ZNF518A: variants seen among roughly 807,000 people sequenced by gnomAD.
ZNF518A encodes the protein zinc finger protein 518.
A neutral mutation model predicts 102.7 loss-of-function variants in ZNF518A; 47 were observed. That is an observed-to-expected ratio of 0.46 (90% CI 0.36 to 0.58). The LOEUF is 0.58. Ranked by LOEUF, ZNF518A falls within the 20% of genes least tolerant of loss-of-function variation. The pLI is 0.00. For missense variants in ZNF518A, 1,793 were observed against 1,699.8 expected (o/e 1.05, Z -0.96); for synonymous variants, 652 against 594.6 (o/e 1.10, Z -1.40).
intron 3 of ZNF518A, among the ~76,000 whole-genome samples, chr10:96,140,525 A>G (rs1554876139): frequency 1.3e-5 from 2 of 152,202 alleles, no homozygotes; most frequent in Non-Finnish European, 2.9e-5. Context: ...ACAAACAGAA[A>G]AAGAAAAGAG....
At chr10:96,142,022 C>T (rs1216773001) in intron 3 of ZNF518A, among the ~76,000 whole-genome samples, 1 of 152,046 alleles carries the variant, frequency 6.6e-6, no homozygotes, top group Non-Finnish European at 1.5e-5. Flanking sequence ...GATTATAGGC[C>T]TGAGCCACCA....
chr10:96,130,673 G>A lies in ZNF518A; in HGVS notation c.-532G>A, dbSNP rs1554871270. The A allele has an allele frequency of 6.6e-6, 1 of 152,382 alleles. No individual in the cohort carries two copies. Among genetic ancestry groups the A allele is most frequent in the Admixed American group, 6.5e-5 (1 of 15,290 alleles). 9.4% of individuals were successfully genotyped at this position (152,382 alleles called of 1,614,324 possible). A position where few individuals can be genotyped will look rare whatever the true frequency, so the allele number is the denominator to read the frequency against. ...CGACGGCGTCCCTATTGCTGGCCCA[G>A]CGTATGGTCATTGGGGGCCATTTCT... is the stretch of plus-strand genomic sequence containing the variant. On this transcript the variant is annotated 5_prime_UTR_variant, in exon 1 of 6. Coordinates refer to ENST00000316045, the MANE Select transcript of ZNF518A (RefSeq NM_001330736.2).
At chr10:96,177,593 T>C (rs147716675) in intron 1 of ZNF518A, among the ~76,000 whole-genome samples, 115 of 152,294 alleles carry the variant, frequency 7.6e-4, no homozygotes, top group Non-Finnish European at 1.4e-3. Flanking sequence ...AGTACTGTTG[T>C]ATTTGAAGAT....
In ZNF518A at chr10:96,158,312, C is replaced by G. The variant is rs782481649; in HGVS notation, c.1990C>G (p.Gln664Glu). ...FSGTAVYENP[Q>E]RESSSSKTVV... Reference sequence around the variant, plus strand: ...AGGAACAGCAGTGTATGAAAACCCTCAAAGAGAATCTTCATCCAGCAAAAC... The same window carrying G: ...AGGAACAGCAGTGTATGAAAACCCTGAAAGAGAATCTTCATCCAGCAAAAC... Residue 664 changes from glutamine (Q) to glutamate (E), a missense_variant, in exon 6 of 6, where the codon CAA becomes GAA. Transcript: ENST00000316045. 3 of 1,613,572 alleles carry G rather than the reference C, an allele frequency of 1.9e-6. No individual in the cohort carries two copies. The highest frequency in any genetic ancestry group is 3.3e-5 in the Admixed American group (2 of 59,990).
At position 96,171,407 on chromosome 10, in the gene ZNF518A, A is replaced by G. The variant is rs185679671; in HGVS notation, n.35+15360A>G. On this transcript the variant is annotated intron_variant and non_coding_transcript_variant, in intron 1 of 2. Transcript: ENST00000442635. ...TACAACTTGGATGAATGTTGGAAGC[A>G]TTAGGTTAAGTGAAAGAAGCCAGTA... Among the ~76,000 whole-genome samples, 350 of 152,338 alleles carry G rather than the reference A, an allele frequency of 2.3e-3. 6 individuals carry two copies. The highest frequency in any genetic ancestry group is 9.6e-4 in the East Asian group (5 of 5,188).
intron 3 of ZNF518A, among the ~76,000 whole-genome samples, chr10:96,152,310 CA>C (rs1331488268): frequency 6.6e-6 from 1 of 152,044 alleles, no homozygotes; most frequent in Non-Finnish European, 1.5e-5. Flanking sequence ...GACCCTGTCT[CA>C]AAATAAATAA....
At position 96,157,078 on chromosome 10, in the gene ZNF518A, C is replaced by T; in HGVS notation, c.756C>T (p.His252=). The change falls in exon 6 of 6, where the codon CAC becomes CAT. Residue 252 remains histidine, a synonymous_variant. Transcript: ENST00000316045. ...TTACCAAAGGAGAGCTTCAGAAGCA[C>T]CTTCATATTCATTCTGGTACTTTTC... The part of the protein sequence containing the change: ...VCFTKGELQK[H]LHIHSGTFPF... The T allele has an allele frequency of 6.2e-7, 1 of 1,613,656 alleles. No homozygotes were observed. Among genetic ancestry groups the T allele is most frequent in the Non-Finnish European group, 8.5e-7 (1 of 1,179,748 alleles).
rs1554896813 is a variant in ZNF518A at position 96,203,992 on chromosome 10, C to T, written n.163C>T. On this transcript the variant is annotated non_coding_transcript_exon_variant, in exon 3 of 3. Coordinates refer to the ZNF518A transcript ENST00000442635. The stretch of plus-strand genomic sequence containing the variant: ...GACAGTGCTGTGTTAGAACCCAGGC[C>T]TATCAGACTCTAGGATCCAGCCTCG... 9.3e-6 allele frequency: 13 copies of T among 1,398,192 alleles called. 1 individual carries two copies. The highest frequency in any genetic ancestry group is 5.0e-5 in the Admixed American group (3 of 59,662). 86.6% of individuals were successfully genotyped at this position (1,398,192 alleles called of 1,614,324 possible).
chr10:96,201,165 A>C, intron 1 of ZNF518A: 1 of 1,010,384 alleles, frequency 9.9e-7, no homozygotes, highest in Non-Finnish European at 1.5e-6. Context: ...ACATCCACCA[A>C]AAAAAATCCT....
chr10:96,192,818 C>T (rs984106603), intron 1 of ZNF518A, among the ~76,000 whole-genome samples: 4 of 152,106 alleles, frequency 2.6e-5, no homozygotes, highest in African/African-American at 9.7e-5. Context: ...AAATTAAATT[C>T]ATTGAGTATA....
intron 1 of ZNF518A, among the ~76,000 whole-genome samples, chr10:96,197,931 A>G (rs1326029963): frequency 6.6e-6 from 1 of 151,202 alleles, no homozygotes; most frequent in Non-Finnish European, 1.5e-5. Context: ...AAAAGAAAGA[A>G]AAAGAAAAAG....
rs1554883337 is a variant in ZNF518A at position 96,157,326 on chromosome 10, G to A, written c.1004G>A (p.Ser335Asn). The A allele has an allele frequency of 1.2e-6, 2 of 1,611,522 alleles. No individual in the cohort carries two copies. Among genetic ancestry groups the A allele is most frequent in the African/African-American group, 1.3e-5 (1 of 75,008 alleles). ...TTCTGGAAACGTAAGAAAATTAACAGTGGAAGTGACAGAAGTATAGAAAAG... is the reference window on the plus strand; with the variant it reads ...TTCTGGAAACGTAAGAAAATTAACAATGGAAGTGACAGAAGTATAGAAAAG... ...KTFWKRKKIN[S>N]GSDRSIEKNT... Residue 335 changes from serine to asparagine, a missense_variant, in exon 6 of 6, where the codon AGT (serine) becomes AAT (asparagine). Coordinates refer to ENST00000316045, the MANE Select transcript of ZNF518A (RefSeq NM_001330736.2).
chr10:96,180,393 C>T (rs890562141), intron 1 of ZNF518A, among the ~76,000 whole-genome samples: 3 of 151,502 alleles, frequency 2.0e-5, no homozygotes, highest in Non-Finnish European at 4.4e-5. Context: ...ATGTGCACAA[C>T]GTGCAGGTTT....
Position 96,155,942 on chromosome 10 carries a change from A to G in ZNF518A, c.-232A>G, listed in dbSNP as rs1156439440. The G allele has an allele frequency of 6.5e-6, 1 of 154,532 alleles. No homozygotes were observed. Among genetic ancestry groups the G allele is most frequent in the African/African-American group, 2.4e-5 (1 of 41,516 alleles). The allele number at this position is 154,532 out of a possible 1,614,324, so 9.6% of individuals were successfully genotyped here. A position where few individuals can be genotyped will look rare whatever the true frequency, so the allele number is the denominator to read the frequency against. On this transcript the variant is annotated 5_prime_UTR_variant, in exon 5 of 6. Coordinates refer to ENST00000316045, the MANE Select transcript of ZNF518A (RefSeq NM_001330736.2). ...TCTTTAGATGAGGAAACTGAGGTCC[A>G]GAGAAGTTGAAGTTTTCCCAAGGTC...
chr10:96,156,529 A>G lies in ZNF518A; in HGVS notation c.207A>G (p.Lys69=). 2 of 1,611,194 alleles carry G rather than the reference A, an allele frequency of 1.2e-6. No individual in the cohort carries two copies. The highest frequency in any genetic ancestry group is 8.5e-7 in the Non-Finnish European group (1 of 1,179,064). Residue 69 remains lysine, a synonymous_variant, in exon 6 of 6, where the codon AAA becomes AAG. Coordinates refer to ENST00000316045, the MANE Select transcript of ZNF518A (RefSeq NM_001330736.2). ...NEVLLKHEVD[K]YRKLFQSKQQ... ...TCCTATTGAAACATGAAGTTGACAA[A>G]TACAGAAAATTATTTCAGAGTAAAC...
intron 1 of ZNF518A, among the ~76,000 whole-genome samples, chr10:96,190,968 A>G (rs2083318533): frequency 6.6e-6 from 1 of 152,200 alleles, no homozygotes; most frequent in Admixed American, 6.5e-5. Flanking sequence ...GTCCTCACCC[A>G]AATCTCATCT....
rs1591234656 is a variant in ZNF518A, at chr10:96,158,270, A to C, written c.1948A>C (p.Lys650Gln). 1 of 1,613,564 alleles carries C rather than the reference A, an allele frequency of 6.2e-7. No individual in the cohort carries two copies. The change falls in exon 6 of 6, where the codon AAA becomes CAA. Residue 650 changes from lysine (K) to glutamine (Q), a missense_variant. By Grantham distance (53) the Lys-to-Gln change is moderately conservative (BLOSUM62 1). Around this residue, in one of 3 missense-constraint regions of ZNF518A, gnomAD observed 1,741 missense variants for 1,622.6 expected, o/e 1.07. Transcript: ENST00000316045. The part of the protein sequence containing the change: ...HNYSKVNNSN[K>Q]RRRFSGTAVY... ...TTACTCAAAAGTGAATAATTCTAAT[A>C]AACGTCGTAGGTTTTCAGGAACAGC...
chr10:96,190,249 G>C, intron 1 of ZNF518A: 2 of 733,250 alleles, frequency 2.7e-6, no homozygotes, highest in Non-Finnish European at 5.0e-6. Flanking sequence ...AGGTGGGAGA[G>C]AAAGCAGACG....
intron 3 of ZNF518A, among the ~76,000 whole-genome samples, chr10:96,145,315 C>T (rs1409155963): frequency 2.6e-5 from 4 of 152,142 alleles, no homozygotes; most frequent in Non-Finnish European, 4.4e-5. Context: ...GGTGATCCTC[C>T]CACCTTGGCC....
Sources: gnomAD v4.1 joint callset for allele counts (sites outside exome capture counted in the v4.1 genomes callset) on GRCh38, gnomAD v4.1.1 for gene constraint, gnomAD v4.1.1 regional missense constraint, MANE v1.5 for transcripts, NCBI Gene and HGNC (gene_info 2026-07-23, HGNC 2026-07-21) for gene names.